ZNF536: variants seen among roughly 807,000 people sequenced by gnomAD.
ZNF536 encodes the protein zinc finger protein 536.
In ZNF536, 13 loss-of-function variants were observed where a neutral mutation model predicts 84.5. The ratio of observed to expected loss-of-function variants is 0.15; its 90% CI spans 0.10 to 0.24. ZNF536 has a LOEUF of 0.24. Ranked by LOEUF, ZNF536 falls within the 10% of genes least tolerant of loss-of-function variation. ZNF536 has a pLI of 1.00. For synonymous variants in ZNF536, 811 were observed against 742.5 expected (o/e 1.09, Z -1.50); for missense variants, 1,536 against 1,747.5 (o/e 0.88, Z 2.16).
At chr19:30,390,739 T>G (rs1279868036) in intron 1 of ZNF536, among the ~76,000 whole-genome samples, 3 of 152,146 alleles carry the variant, frequency 2.0e-5, no homozygotes, top group Non-Finnish European at 4.4e-5. Context: ...GGCAGCCCCG[T>G]GAGCTTACTG....
At chr19:30,409,637 C>A (rs1008645967) in intron 1 of ZNF536, among the ~76,000 whole-genome samples, 4 of 152,230 alleles carry the variant, frequency 2.6e-5, no homozygotes, top group Non-Finnish European at 4.4e-5. Flanking sequence ...GATTTGAATA[C>A]CTGTTGCCAA....
chr19:30,365,916 T>A (rs1188910495), intron 3 of ZNF536, among the ~76,000 whole-genome samples: 1 of 152,248 alleles, frequency 6.6e-6, no homozygotes, highest in African/African-American at 2.4e-5. Context: ...AATAATTATA[T>A]AAGCCTTCAT....
At chr19:30,383,610 TTCTC>T (rs1180180524) in intron 1 of ZNF536, among the ~76,000 whole-genome samples, 7 of 150,138 alleles carry the variant, frequency 4.7e-5, no homozygotes, top group East Asian at 4.0e-4. Context: ...CTTCCTTTCT[TTCTC>T]TCTTTCTCTT....
intron 2 of ZNF536, among the ~76,000 whole-genome samples, chr19:30,532,501 C>A (rs910970625): frequency 3.3e-5 from 5 of 152,234 alleles, no homozygotes; most frequent in Non-Finnish European, 7.3e-5. Context: ...ACACCTTAGT[C>A]CTGCTTATAA....
rs755583614 is a variant in ZNF536, at chr19:30,445,739, T to G, written c.2170+7T>G. 2 of 1,541,858 alleles carry G rather than the reference T, an allele frequency of 1.3e-6. No homozygotes were observed. Among genetic ancestry groups the G allele is most frequent in the East Asian group, 4.5e-5 (2 of 44,176 alleles). On this transcript the variant is annotated splice_region_variant and intron_variant, in intron 2 of 4. Transcript: ENST00000355537. This position sits in a 1 kb window ranked among gnomAD's most constrained non-coding sequence, Gnocchi z 4.5. ...TCCTCGCCATCCTCCTCAGGTAGGT[T>G]AGCTGAGAAGCGGGGAGAAGCAGCT...
intron 1 of ZNF536, among the ~76,000 whole-genome samples, chr19:30,626,602 C>A (rs1227609852): frequency 6.6e-6 from 1 of 152,088 alleles, no homozygotes; most frequent in Non-Finnish European, 1.5e-5. Context: ...AGGCCTTTTC[C>A]CCCGCTACCC....
intron 1 of ZNF536, among the ~76,000 whole-genome samples, chr19:30,668,933 T>C (rs2147695273): frequency 6.6e-6 from 1 of 152,216 alleles, no homozygotes; most frequent in African/African-American, 2.4e-5. Context: ...AGCCAGAGGT[T>C]TAGAAGGGCC....
intron 1 of ZNF536, among the ~76,000 whole-genome samples, chr19:30,415,212 C>G (rs1376888922): frequency 1.2e-5 from 1 of 83,612 alleles, no homozygotes; most frequent in Non-Finnish European, 2.3e-5. Flanking sequence ...CCCTCCCCCT[C>G]CCCCTCCTCC....
intron 2 of ZNF536, among the ~76,000 whole-genome samples, chr19:30,336,145 G>T (rs1369282080): frequency 3.3e-5 from 5 of 152,204 alleles, no homozygotes; most frequent in African/African-American, 1.2e-4. Context: ...TCCTATGCTG[G>T]TTTAGGTTCC....
intron 2 of ZNF536, among the ~76,000 whole-genome samples, chr19:30,306,122 T>C (rs892100608): frequency 2.6e-5 from 4 of 152,214 alleles, no homozygotes; most frequent in African/African-American, 9.7e-5. Flanking sequence ...AATTCTACAC[T>C]CCTTTTTTTT....
chr19:30,298,026 G>A (rs963101570), intron 2 of ZNF536, among the ~76,000 whole-genome samples: 5 of 151,964 alleles, frequency 3.3e-5, no homozygotes, highest in Admixed American at 2.6e-4. Context: ...AATTATAGGC[G>A]CGTGCCACCA....
chr19:30,641,478 G>T (rs1050966192), intron 1 of ZNF536, among the ~76,000 whole-genome samples: 3 of 152,050 alleles, frequency 2.0e-5, no homozygotes, highest in African/African-American at 4.8e-5. Flanking sequence ...TTATTAAAAC[G>T]TATATGTATA....
intron 1 of ZNF536, among the ~76,000 whole-genome samples, chr19:30,262,751 C>T (rs939313942): frequency 1.3e-5 from 2 of 152,134 alleles, no homozygotes; most frequent in South Asian, 4.1e-4. Flanking sequence ...GGACCTCACC[C>T]TCAGGGAGGT....
At chr19:30,645,207 A>G (rs1199616508) in intron 1 of ZNF536, among the ~76,000 whole-genome samples, 2 of 151,858 alleles carry the variant, frequency 1.3e-5, no homozygotes, top group African/African-American at 4.8e-5. Flanking sequence ...CCACTTTTTG[A>G]TGGGGTTGTT....
intron 1 of ZNF536, among the ~76,000 whole-genome samples, chr19:30,626,791 G>A (rs894139954): frequency 5.9e-5 from 9 of 152,210 alleles, no homozygotes; most frequent in Admixed American, 3.9e-4. Context: ...CGGTGATGGT[G>A]ACCGCGCCAG....
intron 2 of ZNF536, among the ~76,000 whole-genome samples, chr19:30,325,616 A>G (rs187093607): frequency 6.6e-4 from 100 of 152,286 alleles, no homozygotes; most frequent in African/African-American, 1.6e-3. Context: ...AGTTTCTTGC[A>G]TCTGTCCTTT....
At chr19:30,541,232 A>G (rs1015092763) in intron 3 of ZNF536, among the ~76,000 whole-genome samples, 8 of 152,108 alleles carry the variant, frequency 5.3e-5, no homozygotes, top group Admixed American at 4.6e-4. Flanking sequence ...TGATGCTTCT[A>G]TGTAAGGTAT....
chr19:30,533,621 T>A (rs2044949401), intron 2 of ZNF536, among the ~76,000 whole-genome samples: 3 of 152,222 alleles, frequency 2.0e-5, no homozygotes, highest in Non-Finnish European at 4.4e-5. Context: ...GAACAGACGT[T>A]GAGGAATAAA....
chr19:30,673,759 G>A (rs1028800030), intron 1 of ZNF536, among the ~76,000 whole-genome samples: 3 of 152,192 alleles, frequency 2.0e-5, no homozygotes, highest in Non-Finnish European at 2.9e-5. Flanking sequence ...CGCACGTCCC[G>A]ATGTCAGGTT....
Sources: gnomAD v4.1 joint callset for allele counts (sites outside exome capture counted in the v4.1 genomes callset) on GRCh38, gnomAD v4.1.1 for gene constraint, Gnocchi (gnomAD v3.1) non-coding constraint, MANE v1.5 for transcripts, NCBI Gene and HGNC (gene_info 2026-07-23, HGNC 2026-07-21) for gene names.